Variants in ZGPAT observed in about 807,000 individuals in gnomAD.
The protein encoded by ZGPAT is zinc finger CCCH-type and G-patch domain containing, also known as zinc finger CCCH-type with G patch domain-containing protein.
In ZGPAT, 39 loss-of-function variants were observed where a neutral mutation model predicts 47.9. The ratio of observed to expected loss-of-function variants is 0.81; its 90% CI spans 0.63 to 1.06. The LOEUF (loss-of-function observed/expected upper bound fraction) is 1.06. ZGPAT is among the 50% of genes least tolerant of loss of function. The pLI is 0.00. For missense variants in ZGPAT, 717 were observed against 681.4 expected (o/e 1.05, Z -0.58); for synonymous variants, 348 against 292.9 (o/e 1.19, Z -1.92).
In ZGPAT at chr20:63,734,696, C is replaced by T; in HGVS notation, c.872-9C>T. 8 of 1,613,584 alleles carry T rather than the reference C, an allele frequency of 5.0e-6. No homozygotes were observed. The highest frequency in any genetic ancestry group is 5.1e-6 in the Non-Finnish European group (6 of 1,179,742). ...GCACAGTCCTCTGCCCTCTGTCCGTCTCTTGCAGTGGTGGGGTCAGATGCT... is the reference window on the plus strand; with the variant it reads ...GCACAGTCCTCTGCCCTCTGTCCGTTTCTTGCAGTGGTGGGGTCAGATGCT... On this transcript the variant is annotated splice_polypyrimidine_tract_variant and intron_variant, in intron 4 of 6. Coordinates refer to ENST00000355969, the MANE Select transcript of ZGPAT (RefSeq NM_181485.3).
chr20:63,714,246 C>T lies in ZGPAT; in HGVS notation c.584+5082C>T, dbSNP rs549890597. Among the ~76,000 whole-genome samples, 36 of 151,804 alleles carry T rather than the reference C, an allele frequency of 2.4e-4. No homozygotes were observed. The South Asian group carries it at 5.2e-3, about 22-fold the overall frequency. On this transcript the variant is annotated intron_variant, in intron 2 of 6. Coordinates refer to ENST00000355969, the MANE Select transcript of ZGPAT (RefSeq NM_181485.3). ...TTTGAGACCAGCCTGGCCAACACGG[C>T]GAAACCCCATCTCTACTAAAAATAC...
Position 63,735,949 on chromosome 20 carries a change from G to C in ZGPAT, c.*30G>C, listed in dbSNP as rs752905808. Reference sequence around the variant, plus strand: ...CCCACAAGCACTATGGACGAAGCGTGGGACCCCAGCACGGGCTGCCCTCAG... The same window carrying C: ...CCCACAAGCACTATGGACGAAGCGTCGGACCCCAGCACGGGCTGCCCTCAG... On this transcript the variant is annotated 3_prime_UTR_variant, in exon 7 of 7. Coordinates refer to ENST00000355969, the MANE Select transcript of ZGPAT (RefSeq NM_181485.3). 7 of 1,594,516 alleles carry C rather than the reference G, an allele frequency of 4.4e-6. No individual in the cohort carries two copies. Among genetic ancestry groups the C allele is most frequent in the Non-Finnish European group, 6.0e-6 (7 of 1,167,590 alleles).
chr20:63,734,328 C>T, intron 4 of ZGPAT: 1 of 333,682 alleles, frequency 3.0e-6, no homozygotes, highest in South Asian at 5.1e-5. Context: ...TTCTGAAGCC[C>T]CATGTCCCTG....
chr20:63,731,185 T>C (rs1466025253), intron 2 of ZGPAT, among the ~76,000 whole-genome samples: 1 of 152,230 alleles, frequency 6.6e-6, no homozygotes, highest in East Asian at 1.9e-4. Context: ...AGAAGGCTGC[T>C]GCCACACTGT....
At chr20:63,732,667 T>C (rs1204091586) in intron 2 of ZGPAT, among the ~76,000 whole-genome samples, 5 of 115,602 alleles carry the variant, frequency 4.3e-5, no homozygotes, top group Non-Finnish European at 8.7e-5. Flanking sequence ...TGTACATGTG[T>C]ATATGCCTGT....
chr20:63,735,458 G>A lies in ZGPAT; in HGVS notation c.1291G>A (p.Ala431Thr). 6.4e-7 allele frequency: 1 copy of A among 1,565,494 alleles called. No individual in the cohort carries two copies. Among genetic ancestry groups the A allele is most frequent in the Non-Finnish European group, 8.6e-7 (1 of 1,159,828 alleles). ...GGACATGTACCATGCCAGCAAGAGT[G>A]CCAAGCGGGCCCTGAGCCTGCGGCT... is the stretch of plus-strand genomic sequence containing the variant. The part of the protein sequence containing the change: ...SKDMYHASKS[A>T]KRALSLRLFQ... Residue 431 changes from alanine (A) to threonine (T), a missense_variant, in exon 6 of 7, where the codon GCC (alanine) becomes ACC (threonine). Physicochemically the swap from Ala to Thr is moderately conservative, Grantham distance 58 (BLOSUM62 0). Coordinates refer to ENST00000355969, the MANE Select transcript of ZGPAT (RefSeq NM_181485.3).
chr20:63,732,539 G>C (rs942055139), intron 2 of ZGPAT, among the ~76,000 whole-genome samples: 2 of 152,104 alleles, frequency 1.3e-5, no homozygotes, highest in Non-Finnish European at 2.9e-5. Context: ...TGGCGTGTGC[G>C]TATATCCATG....
rs1479951317 is a variant in ZGPAT at position 63,733,256 on chromosome 20, C to T, written c.622C>T (p.Arg208Cys). 6.2e-6 allele frequency: 10 copies of T among 1,613,708 alleles called. No homozygotes were observed. The highest frequency in any genetic ancestry group is 4.5e-5 in the East Asian group (2 of 44,900). Reference protein sequence around the residue: ...HGQVVSLDELRPFQDPDLSSL... With the variant: ...HGQVVSLDELCPFQDPDLSSL... ...GCAGGTGGTCTCTCTGGATGAGCTGCGCCCCTTCCAGGACCCAGACCTGAG... is the reference window on the plus strand; with the variant it reads ...GCAGGTGGTCTCTCTGGATGAGCTGTGCCCCTTCCAGGACCCAGACCTGAG... The change falls in exon 3 of 7, where the codon CGC becomes TGC. Residue 208 changes from arginine to cysteine, a missense_variant. Coordinates refer to ENST00000355969, the MANE Select transcript of ZGPAT (RefSeq NM_181485.3).
chr20:63,711,006 T>C (rs180875623), intron 2 of ZGPAT, among the ~76,000 whole-genome samples: 5 of 152,034 alleles, frequency 3.3e-5, no homozygotes, highest in South Asian at 2.1e-4. Flanking sequence ...CTAGTTCTAG[T>C]TCTAGTTCTT....
intron 2 of ZGPAT, among the ~76,000 whole-genome samples, chr20:63,716,916 A>G (rs1194069584): frequency 6.6e-6 from 1 of 152,140 alleles, no homozygotes; most frequent in Admixed American, 6.6e-5. Context: ...TCCCTACCTG[A>G]GGTGATCCGC....
intron 2 of ZGPAT, among the ~76,000 whole-genome samples, chr20:63,717,925 C>A (rs577417317): frequency 2.6e-5 from 4 of 152,166 alleles, no homozygotes; most frequent in African/African-American, 7.2e-5. Context: ...TGCCTGTAAT[C>A]CCAGCTACTC....
intron 2 of ZGPAT, among the ~76,000 whole-genome samples, chr20:63,710,857 T>C (rs1337744374): frequency 6.6e-6 from 1 of 152,254 alleles, no homozygotes; most frequent in African/African-American, 2.4e-5. Flanking sequence ...CAATTATTAC[T>C]GTAATGTCTC....
intron 4 of ZGPAT, 133 bp downstream of exon 4, chr20:63,733,872 C>T: frequency 8.3e-7 from 1 of 1,211,498 alleles, no homozygotes; most frequent in Non-Finnish European, 1.1e-6. Context: ...GCCACCTGTG[C>T]CTGAGGAGGC....
At position 63,710,300 on chromosome 20, in the gene ZGPAT, C is replaced by T. The variant is rs531282576; in HGVS notation, c.584+1136C>T. Among the ~76,000 whole-genome samples, 3 of 151,996 alleles carry T rather than the reference C, an allele frequency of 2.0e-5. No individual in the cohort carries two copies. In the South Asian group the frequency reaches 6.2e-4, roughly 32 times the overall value. ...CCAGAGTAGCTGGCATTACAGGCGC[C>T]CGCCACCACACTGGGCTAATTTTTT... On this transcript the variant is annotated intron_variant, in intron 2 of 6. Transcript: ENST00000355969.
intron 2 of ZGPAT, among the ~76,000 whole-genome samples, chr20:63,731,825 G>C (rs1036874757): frequency 6.6e-6 from 1 of 152,196 alleles, no homozygotes; most frequent in African/African-American, 2.4e-5. Context: ...GGGAAGAAAA[G>C]GATGGCTGCG....
At chr20:63,732,905 CAT>C (rs753532470) in intron 2 of ZGPAT, among the ~76,000 whole-genome samples, 8 of 151,090 alleles carry the variant, frequency 5.3e-5, no homozygotes, top group South Asian at 4.2e-4. Flanking sequence ...TGTGTATATG[CAT>C]GTGTGTGTAT....
chr20:63,731,490 AGT>A (rs56403051), intron 2 of ZGPAT, among the ~76,000 whole-genome samples: 17 of 97,262 alleles, frequency 1.7e-4, no homozygotes, highest in Admixed American at 3.4e-4. Flanking sequence ...ACGTGTGTAA[AGT>A]GTACAATTGG....
At chr20:63,721,123 G>A (rs980188789) in intron 2 of ZGPAT, among the ~76,000 whole-genome samples, 5 of 152,060 alleles carry the variant, frequency 3.3e-5, no homozygotes, top group African/African-American at 7.2e-5. Flanking sequence ...AAGTGGAGGC[G>A]GGTGGATCAC....
intron 2 of ZGPAT, among the ~76,000 whole-genome samples, chr20:63,732,485 G>GCA (rs2091922363): frequency 6.8e-6 from 1 of 146,004 alleles, no homozygotes; most frequent in African/African-American, 2.5e-5. Flanking sequence ...GGGTGAGGGC[G>GCA]TATGTGTGTG....
Sources: gnomAD v4.1 joint callset for allele counts (sites outside exome capture counted in the v4.1 genomes callset) on GRCh38, gnomAD v4.1.1 for gene constraint, MANE v1.5 for transcripts, NCBI Gene and HGNC (gene_info 2026-07-23, HGNC 2026-07-21) for gene names.